MPRIP: variants seen among roughly 807,000 people sequenced by gnomAD.
MPRIP encodes myosin phosphatase Rho interacting protein, also known as myosin phosphatase Rho-interacting protein.
Under a neutral mutation model 234.9 loss-of-function variants are expected in MPRIP, and 59 were observed. The ratio of observed to expected loss-of-function variants is 0.25; its 90% CI spans 0.20 to 0.31. The LOEUF (loss-of-function observed/expected upper bound fraction) is 0.31, where lower values mean the gene tolerates loss of function less well. MPRIP is among the 10% of genes least tolerant of loss of function. MPRIP has a pLI of 1.00. For synonymous variants in MPRIP, 1,144 were observed against 1,263.9 expected, an observed-to-expected ratio of 0.91 and a Z score of 2.01; for missense variants, 2,436 against 3,071.0, an observed-to-expected ratio of 0.79 and a Z score of 4.89.
In MPRIP at chr17:17,164,429, G is replaced by T. The variant is rs1288019221; in HGVS notation, c.2838G>T (p.Ala946=). The T allele has an allele frequency of 7.9e-7, 1 of 1,266,860 alleles. No individual in the cohort carries two copies. Among genetic ancestry groups the T allele is most frequent in the East Asian group, 5.6e-5 (1 of 17,772 alleles). The allele number at this position is 1,266,860 out of a possible 1,614,324, so 78.5% of individuals were successfully genotyped here. The change falls in exon 16 of 24, where the codon GCG becomes GCT. Residue 946 remains alanine (A), a synonymous_variant. Coordinates refer to ENST00000651222, the MANE Select transcript of MPRIP (RefSeq NM_001364716.4). ...TGGAGGAGCGGCAACACAGCGAGGC[G>T]GCGCTGAGCAGCCAGCTGAGGGCTA... ...EQLEERQHSE[A]ALSSQLRASE...
At chr17:17,049,490 GATT>G (rs2088463753) in intron 1 of MPRIP, among the ~76,000 whole-genome samples, 3 of 152,102 alleles carry the variant, frequency 2.0e-5, no homozygotes, top group Admixed American at 1.3e-4. Flanking sequence ...GTGAATATCT[GATT>G]GTTTCTAGAG....
chr17:17,062,792 A>G (rs570218608), intron 1 of MPRIP, among the ~76,000 whole-genome samples: 41 of 152,342 alleles, frequency 2.7e-4, no homozygotes, highest in African/African-American at 9.9e-4. Flanking sequence ...CTCTTCCCAC[A>G]TCAGGAATGA....
intron 20 of MPRIP, 85 bp from the exon 21 acceptor site, chr17:17,176,341 C>T: frequency 9.9e-7 from 1 of 1,007,756 alleles, no homozygotes. Flanking sequence ...GATTGGAGAG[C>T]CCTCTGCACG....
Position 17,136,303 on chromosome 17 carries a change from C to T in MPRIP, c.589C>T (p.Pro197Ser), listed in dbSNP as rs780829244. The T allele has an allele frequency of 6.2e-7, 1 of 1,613,786 alleles. No homozygotes were observed. The highest frequency in any genetic ancestry group is 8.5e-7 in the Non-Finnish European group (1 of 1,179,874). Reference sequence around the variant, plus strand: ...CAGCATCCCCAGTGCTGAGAAAGTCCCCACCACCAAGTCCACACTCTGGCA... The same window carrying T: ...CAGCATCCCCAGTGCTGAGAAAGTCTCCACCACCAAGTCCACACTCTGGCA... The part of the protein sequence containing the change: ...SSSIPSAEKV[P>S]TTKSTLWQEE... Residue 197 changes from proline to serine, a missense_variant, in exon 6 of 24, where the codon CCC (proline) becomes TCC (serine). Around this residue, in one of 4 missense-constraint regions of MPRIP, gnomAD observed 31 missense variants for 90.7 expected, o/e 0.34. Coordinates refer to ENST00000651222, the MANE Select transcript of MPRIP (RefSeq NM_001364716.4).
chr17:17,077,743 T>A (rs1240914271), intron 2 of MPRIP: 1 of 408,788 alleles, frequency 2.4e-6, no homozygotes, highest in African/African-American at 2.5e-5. Context: ...CTGAGGAGCT[T>A]CCAAGTGTTA....
At chr17:17,083,266 A>T (rs1357357581) in intron 3 of MPRIP, among the ~76,000 whole-genome samples, 2 of 152,220 alleles carry the variant, frequency 1.3e-5, no homozygotes, top group African/African-American at 4.8e-5. Flanking sequence ...GTCCCGTAAG[A>T]TGTGAAGTTC....
chr17:17,140,477 C>T (rs1741123140), intron 7 of MPRIP, among the ~76,000 whole-genome samples: 2 of 152,176 alleles, frequency 1.3e-5, no homozygotes, highest in Admixed American at 1.3e-4. Context: ...CTTTCTGAGG[C>T]CTGCTCACTG....
At chr17:17,110,397 C>G (rs191362218) in intron 3 of MPRIP, among the ~76,000 whole-genome samples, 5 of 152,098 alleles carry the variant, frequency 3.3e-5, no homozygotes, top group Admixed American at 3.3e-4. Flanking sequence ...TCCACAAGTC[C>G]GTATTGGCAT....
At chr17:17,062,900 G>A (rs2088909189) in intron 1 of MPRIP, among the ~76,000 whole-genome samples, 1 of 152,238 alleles carries the variant, frequency 6.6e-6, no homozygotes, top group African/African-American at 2.4e-5. Context: ...CTTGCATGTG[G>A]CCGTGTGCTG....
At chr17:17,096,519 T>A (rs2089849837) in intron 3 of MPRIP, among the ~76,000 whole-genome samples, 1 of 152,198 alleles carries the variant, frequency 6.6e-6, no homozygotes, top group Admixed American at 6.5e-5. Context: ...TAATGATGAC[T>A]GTTGTTCCAG....
chr17:17,135,761 A>G (rs2090683053), intron 5 of MPRIP, among the ~76,000 whole-genome samples: 1 of 152,202 alleles, frequency 6.6e-6, no homozygotes, highest in Non-Finnish European at 1.5e-5. Flanking sequence ...ATTTCAACAC[A>G]TGAGTTGTGG....
chr17:17,059,013 T>C (rs2088791469), intron 1 of MPRIP, among the ~76,000 whole-genome samples: 1 of 152,224 alleles, frequency 6.6e-6, no homozygotes, highest in Admixed American at 6.5e-5. Flanking sequence ...CAGAACGCTT[T>C]AGTTTACCTG....
intron 4 of MPRIP, among the ~76,000 whole-genome samples, chr17:17,130,219 G>A (rs1225482182): frequency 6.6e-6 from 1 of 152,124 alleles, no homozygotes; most frequent in African/African-American, 2.4e-5. Flanking sequence ...TGTTGCTGTG[G>A]TTCCGTGCAT....
chr17:17,172,709 A>G lies in MPRIP; in HGVS notation c.6484A>G (p.Met2162Val), dbSNP rs750278349. The G allele has an allele frequency of 5.0e-6, 8 of 1,611,106 alleles. No homozygotes were observed. The African/African-American group carries it at 9.4e-5, about 19-fold the overall frequency. ...TAATISAIEA[M>V]KNAHREEMER... ...GTCCTTGCCTGCAGCCATCGAAGCC[A>G]TGAAGAACGCCCACCGGGAGGAAAT... Residue 2162 changes from methionine (M) to valine (V), a missense_variant, in exon 18 of 24, where the codon ATG (methionine) becomes GTG (valine). By Grantham distance (21) the Met-to-Val change is conservative. Transcript: ENST00000651222.
intron 4 of MPRIP, among the ~76,000 whole-genome samples, chr17:17,131,305 G>A (rs1429487541): frequency 6.6e-6 from 1 of 152,208 alleles, no homozygotes; most frequent in Non-Finnish European, 1.5e-5. Context: ...GCCCACTCTG[G>A]GAGAGCAGTG....
At chr17:17,173,595 G>T (rs748409282) in intron 18 of MPRIP, among the ~76,000 whole-genome samples, 2 of 152,212 alleles carry the variant, frequency 1.3e-5, no homozygotes, top group African/African-American at 2.4e-5. Context: ...TTCAAAAGTG[G>T]GTTTACTGAA....
At chr17:17,110,267 A>G (rs1471588906) in intron 3 of MPRIP, among the ~76,000 whole-genome samples, 3 of 152,070 alleles carry the variant, frequency 2.0e-5, no homozygotes, top group East Asian at 1.9e-4. Context: ...GAGATCCCCA[A>G]TCTTGAACTT....
chr17:17,061,747 A>G (rs1199867888), intron 1 of MPRIP, among the ~76,000 whole-genome samples: 1 of 152,138 alleles, frequency 6.6e-6, no homozygotes, highest in Non-Finnish European at 1.5e-5. Context: ...TGAGGGAGCC[A>G]GCGTAGGGTT....
At chr17:17,144,278 A>C (rs997493131) in intron 9 of MPRIP, among the ~76,000 whole-genome samples, 2 of 152,156 alleles carry the variant, frequency 1.3e-5, no homozygotes, top group Non-Finnish European at 1.5e-5. Context: ...GCAGCTCACC[A>C]TGGGCCTCCG....
Sources: allele counts gnomAD v4.1 joint callset (sites outside exome capture counted in the v4.1 genomes callset), GRCh38; gene constraint gnomAD v4.1.1; regional missense constraint gnomAD v4.1.1; transcripts MANE v1.5; gene names NCBI Gene and HGNC (gene_info 2026-07-23, HGNC 2026-07-21).